ADAMTS20: variants seen among roughly 807,000 people sequenced by gnomAD.
The protein encoded by ADAMTS20 is A disintegrin and metalloproteinase with thrombospondin motifs 20.
Under a neutral mutation model 260.1 loss-of-function variants are expected in ADAMTS20, and 225 were observed. The observed-to-expected ratio is 0.87, with a 90% CI of 0.78 to 0.97. The LOEUF is 0.97. ADAMTS20 is among the 50% of genes least tolerant of loss of function. The pLI, the probability that ADAMTS20 is intolerant of heterozygous loss-of-function variation, is 0.00. For synonymous variants in ADAMTS20, 802 were observed against 769.5 expected, an observed-to-expected ratio of 1.04 and a Z score of -0.70; for missense variants, 2,400 against 2,337.7, an observed-to-expected ratio of 1.03 and a Z score of -0.55.
Position 43,383,996 on chromosome 12 carries a change from G to T in ADAMTS20, c.4453-19C>A, listed in dbSNP as rs376575667. 7.6e-5 allele frequency: 120 copies of T among 1,577,032 alleles called. No homozygotes were observed. Among genetic ancestry groups the T allele is most frequent in the Non-Finnish European group, 9.7e-5 (112 of 1,160,112 alleles). On this transcript the variant is annotated intron_variant, in intron 29 of 38. Coordinates refer to ENST00000389420, the MANE Select transcript of ADAMTS20 (RefSeq NM_025003.5). ...CAGAGCACTACAAAGGAGTCCAGTTGATTTGAACAATTAGCTAATAAATAC... is the reference window on the plus strand; with the variant it reads ...CAGAGCACTACAAAGGAGTCCAGTTTATTTGAACAATTAGCTAATAAATAC...
intron 6 of ADAMTS20, among the ~76,000 whole-genome samples, chr12:43,491,789 C>A (rs184905703): frequency 1.3e-5 from 2 of 152,090 alleles, no homozygotes; most frequent in Admixed American, 1.3e-4. Context: ...AGTGGACAAA[C>A]GAAAGAAGAA....
At chr12:43,404,178 G>GAC (rs3031172) in intron 28 of ADAMTS20, among the ~76,000 whole-genome samples, 20,867 of 145,810 alleles carry the variant, frequency 0.14, 1,423 homozygotes, top group Middle Eastern at 0.2. Flanking sequence ...ATATTGTGGG[G>GAC]ACACACACAC....
chr12:43,468,997 T>C (rs962288468), intron 7 of ADAMTS20, among the ~76,000 whole-genome samples: 1 of 152,052 alleles, frequency 6.6e-6, no homozygotes, highest in African/African-American at 2.4e-5. Flanking sequence ...GAAAAGAATA[T>C]TTGCAGGAAG....
In ADAMTS20 at chr12:43,361,574, G is replaced by A. The variant is rs140695630; in HGVS notation, c.5539-4986C>T. Among the ~76,000 whole-genome samples the A allele has an allele frequency of 5.9e-5, 9 of 152,312 alleles. No homozygotes were observed. In the East Asian group the frequency reaches 1.3e-3, roughly 23 times the overall value. On this transcript the variant is annotated intron_variant, in intron 37 of 38. Transcript: ENST00000389420. ...CTTTCTTCAGGATCTTGGACAGACT[G>A]TTAACACAGAATGTCTGTTTCTTCA...
intron 3 of ADAMTS20, among the ~76,000 whole-genome samples, chr12:43,506,155 C>CGACAA (rs781380677): frequency 2.1e-5 from 2 of 96,500 alleles, no homozygotes; most frequent in Non-Finnish European, 4.6e-5. Context: ...ACAACAACAA[C>CGACAA]AACAAAGGAA....
chr12:43,479,475 A>G (rs74082060), intron 7 of ADAMTS20, among the ~76,000 whole-genome samples: 1,817 of 152,260 alleles, frequency 0.012, 43 homozygotes, highest in African/African-American at 0.038. Flanking sequence ...GAATATCAAT[A>G]GATCACATTC....
At position 43,425,668 on chromosome 12, in the gene ADAMTS20, C is replaced by G; in HGVS notation, c.4130G>C (p.Gly1377Ala). 3 of 1,601,128 alleles carry G rather than the reference C, an allele frequency of 1.9e-6. No homozygotes were observed. Among genetic ancestry groups the G allele is most frequent in the Non-Finnish European group, 2.6e-6 (3 of 1,172,200 alleles). Residue 1377 changes from glycine to alanine, a missense_variant, in exon 28 of 39, where the codon GGA becomes GCA. Physicochemically the swap from Gly to Ala is moderately conservative, Grantham distance 60 (BLOSUM62 0). Transcript: ENST00000389420. ...ACATATTACAAGTCTTGATTTTATT[C>G]CTCCTCCACATGTTTGTGAACACTA... Reference protein sequence around the residue: ...WGECSQTCGGGIKSRLVICQF... With the variant: ...WGECSQTCGGAIKSRLVICQF...
intron 37 of ADAMTS20, among the ~76,000 whole-genome samples, chr12:43,363,187 A>ATG (rs1939911258): frequency 6.6e-6 from 1 of 152,068 alleles, no homozygotes; most frequent in South Asian, 2.1e-4. Context: ...TGGTGAATGC[A>ATG]GTTAAGGATA....
Position 43,476,038 on chromosome 12 carries a change from A to G in ADAMTS20, c.1118-7333T>C, listed in dbSNP as rs1337952607. Among the ~76,000 whole-genome samples the G allele has an allele frequency of 4.9e-4, 63 of 129,300 alleles. 1 individual carries two copies. The highest frequency in any genetic ancestry group is 1.7e-3 in the African/African-American group (57 of 33,216). The allele number at this position is 129,300 out of a possible 152,430, so 84.8% of individuals were successfully genotyped here. On this transcript the variant is annotated intron_variant, in intron 7 of 38. Transcript: ENST00000389420. ...GAGCTTCTGCACAGCAAAAGAAACTACCATCAGAGTGAACAGGCAACCTAC... is the reference window on the plus strand; with the variant it reads ...GAGCTTCTGCACAGCAAAAGAAACTGCCATCAGAGTGAACAGGCAACCTAC...
intron 18 of ADAMTS20, among the ~76,000 whole-genome samples, chr12:43,438,465 T>A (rs1269758359): frequency 6.6e-6 from 1 of 152,158 alleles, no homozygotes; most frequent in East Asian, 1.9e-4. Context: ...ATTATCCCCG[T>A]CTATCTTGCA....
At chr12:43,500,387 A>G (rs887490326) in intron 4 of ADAMTS20, among the ~76,000 whole-genome samples, 2 of 152,138 alleles carry the variant, frequency 1.3e-5, no homozygotes, top group African/African-American at 4.8e-5. Context: ...AGTATATCCC[A>G]TTGTTCCATA....
chr12:43,501,570 C>A (rs1322457472), intron 4 of ADAMTS20, among the ~76,000 whole-genome samples: 7 of 151,678 alleles, frequency 4.6e-5, no homozygotes, highest in Non-Finnish European at 7.4e-5. Context: ...GAATTCAGTT[C>A]TGTGGGTACT....
At chr12:43,408,713 A>G (rs971373005) in intron 28 of ADAMTS20, among the ~76,000 whole-genome samples, 1 of 152,224 alleles carries the variant, frequency 6.6e-6, no homozygotes, top group African/African-American at 2.4e-5. Context: ...TTAGAGATTA[A>G]TTTCATATTT....
intron 2 of ADAMTS20, among the ~76,000 whole-genome samples, chr12:43,546,192 C>G (rs540706885): frequency 6.6e-6 from 1 of 152,184 alleles, no homozygotes; most frequent in South Asian, 2.1e-4. Flanking sequence ...CCTGTCTGAA[C>G]AAGAAGTTAC....
chr12:43,493,859 T>C (rs750098296), intron 4 of ADAMTS20, among the ~76,000 whole-genome samples: 1 of 152,186 alleles, frequency 6.6e-6, no homozygotes, highest in Non-Finnish European at 1.5e-5. Context: ...GGCAGATCCA[T>C]CTAGAATCAT....
At chr12:43,483,751 C>T (rs916410445) in intron 7 of ADAMTS20, among the ~76,000 whole-genome samples, 1 of 152,106 alleles carries the variant, frequency 6.6e-6, no homozygotes, top group East Asian at 1.9e-4. Context: ...GTGCAGCTTC[C>T]CCAGCCTGCT....
intron 24 of ADAMTS20, among the ~76,000 whole-genome samples, chr12:43,429,147 TCTA>T (rs1402551532): frequency 5.9e-5 from 9 of 152,216 alleles, no homozygotes; most frequent in African/African-American, 1.4e-4. Flanking sequence ...ATATATAATA[TCTA>T]CTACTAAGTA....
rs966910009 is a variant in ADAMTS20, at chr12:43,458,734, T to C, written c.1614+4161A>G. On this transcript the variant is annotated intron_variant, in intron 11 of 38. Coordinates refer to ENST00000389420, the MANE Select transcript of ADAMTS20 (RefSeq NM_025003.5). ...CAGTTTGATGGTACTATTATATTAA[T>C]TATTTGTAATATTCTAGTCTCCCTC... Among the ~76,000 whole-genome samples the C allele has an allele frequency of 2.0e-5, 3 of 152,200 alleles. No homozygotes were observed. The East Asian group carries it at 5.8e-4, about 29-fold the overall frequency.
chr12:43,456,814 G>T (rs1239837286), intron 11 of ADAMTS20, among the ~76,000 whole-genome samples: 1 of 152,160 alleles, frequency 6.6e-6, no homozygotes, highest in Non-Finnish European at 1.5e-5. Flanking sequence ...GAGTGGCGGG[G>T]TGAGTAGTTT....
Sources: allele counts gnomAD v4.1 joint callset (sites outside exome capture counted in the v4.1 genomes callset), GRCh38; gene constraint gnomAD v4.1.1; transcripts MANE v1.5; gene names NCBI Gene and HGNC (gene_info 2026-07-23, HGNC 2026-07-21).